Variants in AFG2A observed in about 807,000 individuals in gnomAD.
The protein encoded by AFG2A is ATPase family gene 2 protein homolog A.
the AFG2A span, among the ~76,000 whole-genome samples, chr4:122,968,171 G>C: frequency 5.3e-5 from 8 of 152,056 alleles, no homozygotes; most frequent in Admixed American, 2.0e-4. Flanking sequence ...TTAAACTGCA[G>C]TTTATAATTT....
chr4:123,196,670 A>G, the AFG2A span, among the ~76,000 whole-genome samples: 6 of 152,184 alleles, frequency 3.9e-5, no homozygotes, highest in Non-Finnish European at 7.3e-5. Context: ...GCAACTAGGT[A>G]TAGAGATTGG....
the AFG2A span, among the ~76,000 whole-genome samples, chr4:123,236,890 G>A: frequency 2.6e-5 from 4 of 152,208 alleles, no homozygotes; most frequent in African/African-American, 9.6e-5. Context: ...GCACATTGAG[G>A]TTTGAGAAAC....
chr4:123,273,830 G>A, the AFG2A span, among the ~76,000 whole-genome samples: 3 of 152,126 alleles, frequency 2.0e-5, no homozygotes, highest in Non-Finnish European at 4.4e-5. Context: ...AACTTATTAT[G>A]TATATGCAGA....
the AFG2A span, among the ~76,000 whole-genome samples, chr4:123,307,628 C>T: frequency 5.9e-5 from 9 of 152,138 alleles, no homozygotes; most frequent in Non-Finnish European, 1.2e-4. Context: ...GACAATAAAT[C>T]GCCATTTGCA....
chr4:122,939,075 C>CTTTT, the AFG2A span, among the ~76,000 whole-genome samples: 1 of 102,190 alleles, frequency 9.8e-6, no homozygotes, highest in African/African-American at 3.6e-5. Context: ...TATGTTCTTT[C>CTTTT]TTTTTTTTTT....
chr4:123,118,329 A>AAT, the AFG2A span, among the ~76,000 whole-genome samples: 1 of 64,180 alleles, frequency 1.6e-5, no homozygotes, highest in South Asian at 7.0e-4. Flanking sequence ...TATTATATAT[A>AAT]ATATATATAT....
the AFG2A span, among the ~76,000 whole-genome samples, chr4:123,115,589 G>A: frequency 1.3e-5 from 2 of 152,002 alleles, no homozygotes; most frequent in African/African-American, 4.8e-5. Flanking sequence ...CTCTTCCCCC[G>A]CCTGCAGGTA....
the AFG2A span, among the ~76,000 whole-genome samples, chr4:122,926,140 C>T: frequency 6.6e-6 from 1 of 152,256 alleles, no homozygotes; most frequent in East Asian, 1.9e-4. Flanking sequence ...GGAATTTGAA[C>T]ATGATTACCA....
At chr4:123,229,162 A>G in the AFG2A span, among the ~76,000 whole-genome samples, 2 of 151,984 alleles carry the variant, frequency 1.3e-5, no homozygotes, top group Non-Finnish European at 2.9e-5. Flanking sequence ...TAAGTAGTCT[A>G]AGTGTTCTGA....
chr4:123,111,857 C>G, the AFG2A span, among the ~76,000 whole-genome samples: 2 of 152,052 alleles, frequency 1.3e-5, no homozygotes, highest in Non-Finnish European at 2.9e-5. Flanking sequence ...CTGCCTCAGC[C>G]TTCTGAGTAG....
the AFG2A span, among the ~76,000 whole-genome samples, chr4:122,992,213 C>G: frequency 0.021 from 3,259 of 152,234 alleles, 60 homozygotes; most frequent in Non-Finnish European, 0.035. Context: ...TTTAATTGCT[C>G]TAATGAAAGA....
the AFG2A span, among the ~76,000 whole-genome samples, chr4:122,948,987 A>G: frequency 6.6e-6 from 1 of 152,190 alleles, no homozygotes; most frequent in South Asian, 2.1e-4. Flanking sequence ...AATAACAATC[A>G]TACTGTATAG....
the AFG2A span, among the ~76,000 whole-genome samples, chr4:122,998,081 T>C: frequency 2.0e-5 from 3 of 152,168 alleles, no homozygotes; most frequent in Admixed American, 2.0e-4. Context: ...CATTTATTTT[T>C]CCAGTTAGTT....
the AFG2A span, among the ~76,000 whole-genome samples, chr4:122,990,718 A>T: frequency 6.6e-6 from 1 of 152,172 alleles, no homozygotes; most frequent in Non-Finnish European, 1.5e-5. Flanking sequence ...CCTTCTGAGC[A>T]GTTGGAATAG....
chr4:123,231,754 C>T, the AFG2A span, among the ~76,000 whole-genome samples: 1 of 152,000 alleles, frequency 6.6e-6, no homozygotes, highest in South Asian at 2.1e-4. Context: ...CACTTAAATA[C>T]TTAAAGGCCA....
the AFG2A span, among the ~76,000 whole-genome samples, chr4:123,084,967 T>A: frequency 6.6e-6 from 1 of 152,254 alleles, no homozygotes; most frequent in African/African-American, 2.4e-5. Flanking sequence ...AGTTTCTTTT[T>A]TTTTCCTTTG....
the AFG2A span, among the ~76,000 whole-genome samples, chr4:123,311,492 T>C: frequency 2.0e-5 from 3 of 151,800 alleles, no homozygotes; most frequent in Non-Finnish European, 4.4e-5. Flanking sequence ...CCAGGCGTGG[T>C]GGCACGCGCC....
At chr4:123,000,711 T>G in the AFG2A span, among the ~76,000 whole-genome samples, 4 of 87,932 alleles carry the variant, frequency 4.5e-5, no homozygotes, top group African/African-American at 1.3e-4. Flanking sequence ...TTTGCCAGTA[T>G]TTTATTGAGG....
the AFG2A span, among the ~76,000 whole-genome samples, chr4:123,183,331 A>G: frequency 2.6e-5 from 4 of 152,244 alleles, no homozygotes; most frequent in Non-Finnish European, 5.9e-5. Context: ...CTACATAACA[A>G]TCACTCAGTA....
Sources: gnomAD v4.1 joint callset for allele counts (sites outside exome capture counted in the v4.1 genomes callset) on GRCh38, gnomAD v4.1.1 for gene constraint, MANE v1.5 for transcripts, NCBI Gene and HGNC (gene_info 2026-07-23, HGNC 2026-07-21) for gene names.